GLB1: variants seen among roughly 807,000 people sequenced by gnomAD.
The protein encoded by GLB1 is beta-galactosidase.
A neutral mutation model predicts 74.0 loss-of-function variants in GLB1; 56 were observed. The observed-to-expected ratio is 0.76, with a 90% CI of 0.61 to 0.94. The LOEUF (loss-of-function observed/expected upper bound fraction) is 0.94, where lower values mean the gene tolerates loss of function less well. GLB1 is among the 40% of genes least tolerant of loss of function. GLB1 has a pLI of 0.00. For missense variants in GLB1, 787 were observed against 845.5 expected, an observed-to-expected ratio of 0.93 and a Z score of 0.86; for synonymous variants, 323 against 323.6, an observed-to-expected ratio of 1.00 and a Z score of 0.02.
the GLB1 span, among the ~76,000 whole-genome samples, chr3:32,983,702 A>G: frequency 6.6e-6 from 1 of 152,098 alleles, no homozygotes; most frequent in Admixed American, 6.6e-5. Context: ...TTTTTGAGAT[A>G]GGGTCTCACT....
chr3:33,055,204 A>G (rs1225871198), intron 6 of GLB1, among the ~76,000 whole-genome samples: 1 of 152,194 alleles, frequency 6.6e-6, no homozygotes, highest in Non-Finnish European at 1.5e-5. Context: ...TGCCCCAGGC[A>G]CCCTGGCCTT....
chr3:33,095,290 G>T (rs143300312), intron 1 of GLB1, among the ~76,000 whole-genome samples: 1 of 149,712 alleles, frequency 6.7e-6, no homozygotes, highest in Non-Finnish European at 1.5e-5. Flanking sequence ...TTTGAGAACC[G>T]CTGGGTCACG....
chr3:33,007,104 C>T (rs1339681858), intron 15 of GLB1, among the ~76,000 whole-genome samples: 7 of 152,158 alleles, frequency 4.6e-5, no homozygotes, highest in Non-Finnish European at 1.0e-4. Flanking sequence ...CCACTGTGCA[C>T]CAGAAAACAG....
chr3:33,021,438 T>C, intron 12 of GLB1, 128 bp downstream of exon 12: 2 of 996,884 alleles, frequency 2.0e-6, no homozygotes, highest in South Asian at 1.4e-5. Context: ...TCATGGTTCA[T>C]TTACCTGGGA....
chr3:32,997,379 G>A lies in GLB1; in HGVS notation c.1735-35C>T. 4 of 1,611,034 alleles carry A rather than the reference G, an allele frequency of 2.5e-6. No homozygotes were observed. In the East Asian group the frequency reaches 6.7e-5, roughly 27 times the overall value. ...GAGAGACAGAGAACCATCAACCCCA[G>A]ATGCACCGAAAGCCCTGAGGAAGGT... On this transcript the variant is annotated intron_variant, in intron 15 of 15. Transcript: ENST00000307363.
At chr3:33,080,479 G>C (rs567190806) in intron 1 of GLB1, among the ~76,000 whole-genome samples, 100 of 152,316 alleles carry the variant, frequency 6.6e-4, no homozygotes, top group African/African-American at 2.4e-3. Context: ...CTCACACTCA[G>C]ATCTCATGTC....
intron 15 of GLB1, 145 bp downstream of exon 15, chr3:33,013,911 C>A: frequency 6.8e-7 from 1 of 1,467,648 alleles, no homozygotes; most frequent in South Asian, 1.3e-5. Context: ...AGATCTGCCA[C>A]AATCCGCCTC....
At chr3:32,994,920 C>CA (rs56169200), downstream of GLB1, among the ~76,000 whole-genome samples, 7,235 of 114,584 alleles carry the variant, frequency 0.063, 459 homozygotes, top group East Asian at 0.36. Flanking sequence ...GACTCTGTTT[C>CA]AAAAAAAAAA....
At chr3:33,046,910 C>T (rs1698765060) in intron 9 of GLB1, among the ~76,000 whole-genome samples, 1 of 152,224 alleles carries the variant, frequency 6.6e-6, no homozygotes, top group South Asian at 2.1e-4. Context: ...TGACATTTCT[C>T]AGATGTGTCC....
At chr3:33,023,425 T>TCAAC (rs1697589419) in intron 11 of GLB1, among the ~76,000 whole-genome samples, 1 of 152,174 alleles carries the variant, frequency 6.6e-6, no homozygotes, top group Non-Finnish European at 1.5e-5. Context: ...TTATAAGAAC[T>TCAAC]CAACCAACCA....
intron 12 of GLB1, among the ~76,000 whole-genome samples, chr3:33,019,273 G>C (rs950442546): frequency 1.3e-5 from 2 of 152,156 alleles, no homozygotes; most frequent in Non-Finnish European, 2.9e-5. Flanking sequence ...GACATCCCTG[G>C]TCCAAAAGGA....
intron 15 of GLB1, among the ~76,000 whole-genome samples, chr3:33,001,985 C>T (rs576469183): frequency 1.3e-5 from 2 of 152,128 alleles, no homozygotes; most frequent in South Asian, 4.1e-4. Context: ...TATGCTTTTG[C>T]AATTATTTTT....
chr3:33,036,488 A>G (rs1295070671), intron 10 of GLB1, among the ~76,000 whole-genome samples: 2 of 152,182 alleles, frequency 1.3e-5, no homozygotes, highest in East Asian at 3.8e-4. Context: ...TAATTCTAAA[A>G]ATAAGCCTAC....
intron 15 of GLB1, among the ~76,000 whole-genome samples, chr3:32,998,375 G>A (rs1354510586): frequency 6.6e-6 from 1 of 152,146 alleles, no homozygotes; most frequent in East Asian, 1.9e-4. Flanking sequence ...AGGTGTGGTG[G>A]CACATGCCTG....
chr3:33,093,190 C>T lies in GLB1; in HGVS notation c.75+3821G>A. Reference sequence around the variant, plus strand: ...TAGTGCAGGATGTCTGCTTCAATATCGTCCACCCCAGCCAAGCAGATCCAG... The same window carrying T: ...TAGTGCAGGATGTCTGCTTCAATATTGTCCACCCCAGCCAAGCAGATCCAG... On this transcript the variant is annotated intron_variant, in intron 1 of 15. Transcript: ENST00000307363. The surrounding 1 kb of genome is among the most constrained non-coding windows in gnomAD (Gnocchi z 6.0). 6.2e-7 allele frequency: 1 copy of T among 1,614,042 alleles called. No homozygotes were observed. The highest frequency in any genetic ancestry group is 8.5e-7 in the Non-Finnish European group (1 of 1,179,978).
chr3:33,002,684 C>T (rs921434233), intron 15 of GLB1, among the ~76,000 whole-genome samples: 2 of 152,158 alleles, frequency 1.3e-5, no homozygotes, highest in South Asian at 2.1e-4. Flanking sequence ...GTTGGGATTA[C>T]AGGTGTGAGC....
intron 10 of GLB1, among the ~76,000 whole-genome samples, chr3:33,031,791 CTTT>C (rs201071956): frequency 6.6e-6 from 1 of 150,452 alleles, no homozygotes. Flanking sequence ...ACATTCATTT[CTTT>C]TTTTGTTTTG....
At chr3:33,053,375 C>G in intron 7 of GLB1, 116 bp downstream of exon 7, 1 of 1,430,760 alleles carries the variant, frequency 7.0e-7, no homozygotes, top group Non-Finnish European at 9.8e-7. Flanking sequence ...ACTCCACAAT[C>G]CCATTAGCTG....
At chr3:33,074,091 G>A (rs560444511) in intron 1 of GLB1, among the ~76,000 whole-genome samples, 3 of 150,828 alleles carry the variant, frequency 2.0e-5, no homozygotes, top group Non-Finnish European at 4.4e-5. Context: ...TGTAATCCCT[G>A]CACTTTGGGA....
Sources: allele counts gnomAD v4.1 joint callset (sites outside exome capture counted in the v4.1 genomes callset), GRCh38; gene constraint gnomAD v4.1.1; non-coding constraint Gnocchi (gnomAD v3.1); transcripts MANE v1.5; gene names NCBI Gene and HGNC (gene_info 2026-07-23, HGNC 2026-07-21).